The following PCDHGB4 variants were observed in gnomAD, a reference collection of about 807,000 sequenced individuals.
The protein encoded by PCDHGB4 is protocadherin gamma-B4.
PCDHGB4 carries 38 observed loss-of-function variants against 60.5 expected under a neutral mutation model. That is an observed-to-expected ratio of 0.63 (90% CI 0.48 to 0.82). The LOEUF is 0.82. PCDHGB4 is among the 40% of genes least tolerant of loss of function. The pLI, the probability that PCDHGB4 is intolerant of heterozygous loss-of-function variation, is 0.00. For synonymous variants in PCDHGB4, 456 were observed against 509.7 expected (o/e 0.89, Z 1.42); for missense variants, 1,109 against 1,209.6 (o/e 0.92, Z 1.23).
chr5:141,403,754 G>A (rs2094451238), intron 1 of PCDHGB4: 1 of 1,613,768 alleles, frequency 6.2e-7, no homozygotes, highest in African/African-American at 1.3e-5. Flanking sequence ...AACAGCCAGC[G>A]ACCTGGATGA....
rs2154555227 is a variant in PCDHGB4, at chr5:141,432,737, C to G, written c.2397+42456C>G. ...GCCCCCTCTCTCCGCCACTGTCACG[C>G]TCACCGTGGCCGTGGCCGACAGCAT... On this transcript the variant is annotated intron_variant, in intron 1 of 3. Coordinates refer to ENST00000519479, the MANE Select transcript of PCDHGB4 (RefSeq NM_003736.4). This position sits in a 1 kb window ranked among gnomAD's most constrained non-coding sequence, Gnocchi z 6.0. 6.2e-7 allele frequency: 1 copy of G among 1,614,110 alleles called. No homozygotes were observed. The highest frequency in any genetic ancestry group is 8.5e-7 in the Non-Finnish European group (1 of 1,180,002).
intron 1 of PCDHGB4, chr5:141,478,134 C>A (rs2099431418): frequency 6.2e-7 from 1 of 1,614,074 alleles, no homozygotes; most frequent in African/African-American, 1.3e-5. Flanking sequence ...TCTCCTGAAG[C>A]CCGAGCCGAG....
chr5:141,490,374 C>T lies in PCDHGB4; in HGVS notation c.2398-4433C>T, dbSNP rs1452417604. 1.2e-6 allele frequency: 2 copies of T among 1,614,082 alleles called. No homozygotes were observed. Among genetic ancestry groups the T allele is most frequent in the Middle Eastern group, 1.6e-4 (1 of 6,084 alleles). ...GGTTGTTTAATGTGCGAGACCGGGA[C>T]TCAGGTAGAAATGGTGAAGTGAGCC... On this transcript the variant is annotated intron_variant, in intron 1 of 3. Coordinates refer to ENST00000519479, the MANE Select transcript of PCDHGB4 (RefSeq NM_003736.4). This position sits in a 1 kb window ranked among gnomAD's most constrained non-coding sequence, Gnocchi z 5.4.
At chr5:141,507,017 C>CACTT (rs763489200) in intron 3 of PCDHGB4, 1 of 152,206 alleles carries the variant, frequency 6.6e-6, no homozygotes, top group Non-Finnish European at 1.5e-5. Flanking sequence ...ACCGAGAAGG[C>CACTT]ACTTGCCCCA....
chr5:141,496,277 T>C (rs1484877198), intron 2 of PCDHGB4, among the ~76,000 whole-genome samples: 1 of 152,134 alleles, frequency 6.6e-6, no homozygotes, highest in Non-Finnish European at 1.5e-5. Context: ...AGACCTTCAG[T>C]TGGTCTGAGC....
intron 1 of PCDHGB4, chr5:141,419,128 A>T (rs1298102722): frequency 1.2e-6 from 2 of 1,613,768 alleles, no homozygotes; most frequent in East Asian, 2.2e-5. Flanking sequence ...TCACCATCGC[A>T]GCCACAGACA....
chr5:141,421,040 C>T (rs2096541229), intron 1 of PCDHGB4: 1 of 545,472 alleles, frequency 1.8e-6, no homozygotes, highest in East Asian at 3.1e-5. Context: ...GTCCCTCCCT[C>T]CCCCGCCTCT....
At chr5:141,407,874 T>C (rs2094995185) in intron 1 of PCDHGB4, 1 of 358,496 alleles carries the variant, frequency 2.8e-6, no homozygotes, top group South Asian at 5.6e-5. Context: ...GAAGAATATA[T>C]ACATTTCGGA....
chr5:141,421,231 G>T (rs1368484504), intron 1 of PCDHGB4: 1 of 1,590,694 alleles, frequency 6.3e-7, no homozygotes, highest in South Asian at 1.1e-5. Context: ...GCCTGCCATG[G>T]CGAATCGGCT....
At chr5:141,405,227 C>A (rs562247940) in intron 1 of PCDHGB4, 1 of 1,614,114 alleles carries the variant, frequency 6.2e-7, no homozygotes. Context: ...GGAGTTCTCC[C>A]TCACCGCTGA....
intron 1 of PCDHGB4, among the ~76,000 whole-genome samples, chr5:141,464,454 A>G (rs999305559): frequency 6.6e-6 from 1 of 151,542 alleles, no homozygotes; most frequent in Non-Finnish European, 1.5e-5. Context: ...TGTTGTTGTT[A>G]TTTTTGAAGT....
intron 1 of PCDHGB4, among the ~76,000 whole-genome samples, chr5:141,471,737 A>G (rs2099263581): frequency 6.6e-6 from 1 of 152,232 alleles, no homozygotes; most frequent in Non-Finnish European, 1.5e-5. Context: ...AAGGTTGGAG[A>G]CATAACATAT....
In PCDHGB4 at chr5:141,495,260, G is replaced by A. The variant is rs368797742; in HGVS notation, c.2456+395G>A. On this transcript the variant is annotated intron_variant, in intron 2 of 3. Transcript: ENST00000519479. ...TATGACCTGGGGCTCAGGCAGAAAA[G>A]CATTTGACCGGAGGAGGCGGTCCGC... Among the ~76,000 whole-genome samples the A allele has an allele frequency of 3.3e-5, 5 of 152,208 alleles. No individual in the cohort carries two copies. The East Asian group carries it at 5.8e-4, about 18-fold the overall frequency.
chr5:141,403,544 C>A (rs1300060255), intron 1 of PCDHGB4: 2 of 1,613,970 alleles, frequency 1.2e-6, no homozygotes, highest in South Asian at 1.1e-5. Flanking sequence ...GGTGCTGGAG[C>A]GCGCCCTGGA....
intron 1 of PCDHGB4, chr5:141,393,595 T>C: frequency 6.2e-7 from 1 of 1,613,866 alleles, no homozygotes; most frequent in Non-Finnish European, 8.5e-7. Context: ...GGCACGCGGC[T>C]GCTTACTGTA....
Position 141,496,888 on chromosome 5 carries a change from TA to T in PCDHGB4, c.2456+2038del, listed in dbSNP as rs35063790. 4.6e-3 allele frequency among the ~76,000 whole-genome samples: 621 copies of T among 133,932 alleles called. 1 individual carries two copies. Among genetic ancestry groups the T allele is most frequent in the Middle Eastern group, 0.011 (3 of 270 alleles). 87.9% of individuals were successfully genotyped at this position (133,932 alleles called of 152,430 possible). ...CTGAAAATTTGCAACAAGTAACACT[TA>T]AAAAAAAAAAAAAAGGCTGGGCACT... On this transcript the variant is annotated intron_variant, in intron 2 of 3. Coordinates refer to ENST00000519479, the MANE Select transcript of PCDHGB4 (RefSeq NM_003736.4).
intron 1 of PCDHGB4, among the ~76,000 whole-genome samples, chr5:141,471,883 C>T (rs951573411): frequency 6.6e-6 from 1 of 152,084 alleles, no homozygotes; most frequent in Non-Finnish European, 1.5e-5. Flanking sequence ...GAGGCTGAAG[C>T]TAGGAAGATT....
chr5:141,403,324 T>G (rs769971532), intron 1 of PCDHGB4: 1 of 1,613,974 alleles, frequency 6.2e-7, no homozygotes, highest in East Asian at 2.2e-5. Context: ...TAGAAGTAAC[T>G]GATATTAACG....
chr5:141,409,541 G>A (rs1485327824), intron 1 of PCDHGB4: 5 of 1,613,852 alleles, frequency 3.1e-6, no homozygotes, highest in South Asian at 1.1e-5. Flanking sequence ...TGACATCAAC[G>A]ACAACGCCCC....
Sources: allele counts gnomAD v4.1 joint callset (sites outside exome capture counted in the v4.1 genomes callset), GRCh38; gene constraint gnomAD v4.1.1; non-coding constraint Gnocchi (gnomAD v3.1); transcripts MANE v1.5; gene names NCBI Gene and HGNC (gene_info 2026-07-23, HGNC 2026-07-21).